The following RSRP1 variants were observed in gnomAD, a reference collection of about 807,000 sequenced individuals.
RSRP1 encodes arginine and serine rich protein 1, also known as arginine/serine-rich protein 1.
A neutral mutation model predicts 33.0 loss-of-function variants in RSRP1; 37 were observed. The ratio of observed to expected loss-of-function variants is 1.12; its 90% CI spans 0.86 to 1.48. The LOEUF is 1.48. Ranked by LOEUF, RSRP1 falls within the 40% of genes most tolerant of loss-of-function variation. The pLI is 0.00. For missense variants in RSRP1, 402 were observed against 385.3 expected, an observed-to-expected ratio of 1.04 and a Z score of -0.36; for synonymous variants, 167 against 158.7, an observed-to-expected ratio of 1.05 and a Z score of -0.40.
rs1355317412 is a variant in RSRP1, at chr1:25,295,867, T to G, written c.-67+42111A>C. On this transcript the variant is annotated intron_variant, in intron 1 of 1. Transcript: ENST00000561867. Reference sequence around the variant, plus strand: ...TATGGGAAATTTTTTTTTTTTTTTTTTTTTTTTTTTTTGAGATGGAGTTTC... The same window carrying G: ...TATGGGAAATTTTTTTTTTTTTTTTGTTTTTTTTTTTTGAGATGGAGTTTC... 9.3e-4 allele frequency among the ~76,000 whole-genome samples: 98 copies of G among 104,826 alleles called. 20 individuals carry two copies. In the East Asian group the frequency reaches 9.5e-3, roughly 10 times the overall value. 68.8% of individuals were successfully genotyped at this position (104,826 alleles called of 152,430 possible).
intron 1 of RSRP1, among the ~76,000 whole-genome samples, chr1:25,275,105 CATGGT>C (rs1640844031): frequency 7.6e-6 from 1 of 132,236 alleles, no homozygotes; most frequent in Admixed American, 7.4e-5. Context: ...GCCTGGCCAA[CATGGT>C]AAAACCCTGT....
chr1:25,263,881 A>T (rs930272343), intron 1 of RSRP1, among the ~76,000 whole-genome samples: 4 of 152,130 alleles, frequency 2.6e-5, no homozygotes, highest in Non-Finnish European at 4.4e-5. Flanking sequence ...GGGTAAATAC[A>T]GCCATTCCAA....
Position 25,291,157 on chromosome 1 carries a change from T to TAGAC in RSRP1, c.-66-44129_-66-44128insGTCT, listed in dbSNP as rs1490320344. ...ATAGGTAGGTGGATAGACAGATAGA[T>TAGAC]AGATAGACAGACAGACAGACAGACA... On this transcript the variant is annotated intron_variant, in intron 1 of 1. Coordinates refer to the RSRP1 transcript ENST00000561867. 3.3e-5 allele frequency among the ~76,000 whole-genome samples: 4 copies of TAGAC among 121,806 alleles called. 1 individual carries two copies. Among genetic ancestry groups the TAGAC allele is most frequent in the African/African-American group, 1.3e-4 (4 of 31,700 alleles). 79.9% of individuals were successfully genotyped at this position (121,806 alleles called of 152,430 possible).
At chr1:25,307,521 C>A in intron 1 of RSRP1, 1 of 518,550 alleles carries the variant, frequency 1.9e-6, no homozygotes, top group East Asian at 2.8e-5. Flanking sequence ...TTATTGACTG[C>A]TTTAAAAGTG....
upstream of RSRP1, among the ~76,000 whole-genome samples, chr1:25,248,858 A>G (rs1410767496): frequency 6.6e-6 from 1 of 152,202 alleles, no homozygotes; most frequent in Non-Finnish European, 1.5e-5. Flanking sequence ...GGACAGAAAA[A>G]TAACACGAGG....
rs182746791 is a variant in RSRP1, at chr1:25,309,005, C to A, written c.-67+28973G>T. Among the ~76,000 whole-genome samples, 13 of 131,844 alleles carry A rather than the reference C, an allele frequency of 9.9e-5. 3 individuals are homozygous for A. The highest frequency in any genetic ancestry group is 1.9e-4 in the East Asian group (1 of 5,130). 86.5% of individuals were successfully genotyped at this position (131,844 alleles called of 152,430 possible). A position where few individuals can be genotyped will look rare whatever the true frequency, so the allele number is the denominator to read the frequency against. Reference sequence around the variant, plus strand: ...TCTTTATGATGACTGATGCTGCATCCGTATGAGGACATCTCTATGTAATGG... The same window carrying A: ...TCTTTATGATGACTGATGCTGCATCAGTATGAGGACATCTCTATGTAATGG... On this transcript the variant is annotated intron_variant, in intron 1 of 1. Coordinates refer to the RSRP1 transcript ENST00000561867.
In RSRP1 at chr1:25,301,496, C is replaced by G. The variant is rs1460321646; in HGVS notation, c.-67+36482G>C. On this transcript the variant is annotated intron_variant, in intron 1 of 1. Coordinates refer to the RSRP1 transcript ENST00000561867. ...CTTTGGAGCAGGAGTGTGATTCTGGCCAACCACCCTCTCTGGCCCCCAGGC... is the reference window on the plus strand; with the variant it reads ...CTTTGGAGCAGGAGTGTGATTCTGGGCAACCACCCTCTCTGGCCCCCAGGC... 5 of 1,375,976 alleles carry G rather than the reference C, an allele frequency of 3.6e-6. 1 individual carries two copies. The highest frequency in any genetic ancestry group is 1.4e-5 in the African/African-American group (1 of 69,660). The allele number at this position is 1,375,976 out of a possible 1,614,324, so 85.2% of individuals were successfully genotyped here. A position where few individuals can be genotyped will look rare whatever the true frequency, so the allele number is the denominator to read the frequency against.
chr1:25,264,513 G>T (rs1360717508), intron 1 of RSRP1, among the ~76,000 whole-genome samples: 1 of 148,844 alleles, frequency 6.7e-6, no homozygotes, highest in Admixed American at 6.8e-5. Flanking sequence ...GGGATGCAGG[G>T]CACCAAGTCC....
chr1:25,311,067 A>C (rs1286547249), intron 1 of RSRP1, among the ~76,000 whole-genome samples: 1 of 132,352 alleles, frequency 7.6e-6, no homozygotes, highest in African/African-American at 2.6e-5. Context: ...AACTAGGGAA[A>C]GTCTGGAACT....
rs1391538899 is a variant in RSRP1, at chr1:25,287,982, CA to C, written c.-66-40954del. On this transcript the variant is annotated intron_variant, in intron 1 of 1. Transcript: ENST00000561867. Reference sequence around the variant, plus strand: ...AAGTGATCCACCTGCCTAGGCCTCCCAAAGTACTGGGATTACAGGCGTGAGC... The same window carrying C: ...AAGTGATCCACCTGCCTAGGCCTCCCAAGTACTGGGATTACAGGCGTGAGC... Among the ~76,000 whole-genome samples the C allele has an allele frequency of 1.5e-5, 2 of 132,600 alleles. 1 individual carries two copies. The highest frequency in any genetic ancestry group is 3.6e-5 in the Non-Finnish European group (2 of 55,940). 87.0% of individuals were successfully genotyped at this position (132,600 alleles called of 152,430 possible).
intron 1 of RSRP1, chr1:25,303,606 TC>T: frequency 1.1e-6 from 1 of 905,274 alleles, no homozygotes. Flanking sequence ...GAGGGATCCA[TC>T]CTGGCTCGGT....
intron 1 of RSRP1, among the ~76,000 whole-genome samples, chr1:25,276,521 C>A (rs1414208604): frequency 5.0e-5 from 3 of 59,758 alleles, no homozygotes; most frequent in African/African-American, 2.1e-4. Flanking sequence ...AGGGAGACCC[C>A]CCCCCATCTC....
At position 25,314,398 on chromosome 1, in the gene RSRP1, C is replaced by G. The variant is rs188527832; in HGVS notation, c.-67+23580G>C. Among the ~76,000 whole-genome samples the G allele has an allele frequency of 3.8e-4, 51 of 132,604 alleles. 2 individuals are homozygous for G. The East Asian group carries it at 7.6e-3, about 20-fold the overall frequency. 87.0% of individuals were successfully genotyped at this position (132,604 alleles called of 152,430 possible). A position where few individuals can be genotyped will look rare whatever the true frequency, so the allele number is the denominator to read the frequency against. ...GAAATGTCTATTCAAGTTAGTTTGCCCATTTTCTATTGTGGTGTTCTGTCT... is the reference window on the plus strand; with the variant it reads ...GAAATGTCTATTCAAGTTAGTTTGCGCATTTTCTATTGTGGTGTTCTGTCT... On this transcript the variant is annotated intron_variant, in intron 1 of 1. Transcript: ENST00000561867.
In RSRP1 at chr1:25,246,441, C is replaced by A. The variant is rs1324105734; in HGVS notation, c.520+3G>T. On this transcript the variant is annotated splice_donor_region_variant and intron_variant, in intron 2 of 4. Coordinates refer to ENST00000243189, the MANE Select transcript of RSRP1 (RefSeq NM_020317.5). The stretch of plus-strand genomic sequence containing the variant: ...CAAATGGAAAGGTAAATGACCCACC[C>A]ACCTTTTTCACTTAAGCGAAAGGGG... The A allele has an allele frequency of 6.2e-7, 1 of 1,611,922 alleles. No homozygotes were observed. Among genetic ancestry groups the A allele is most frequent in the African/African-American group, 1.3e-5 (1 of 75,030 alleles).
chr1:25,275,234 G>A (rs575079229), intron 1 of RSRP1, among the ~76,000 whole-genome samples: 2 of 132,370 alleles, frequency 1.5e-5, no homozygotes, highest in East Asian at 3.9e-4. Flanking sequence ...AGGTTGCTGA[G>A]CTGAGAACAT....
chr1:25,244,899 G>A, intron 3 of RSRP1: 2 of 1,308,514 alleles, frequency 1.5e-6, no homozygotes, highest in South Asian at 1.6e-5. Context: ...GCCCAGGCTA[G>A]TCTTGAACTC....
rs1485509739 is a variant in RSRP1, at chr1:25,329,083, C to A, written c.-67+8895G>T. ...AAATGGAGTTGAATCCTTTCTCTGCCACTCTTTGAGGAGAATCTCACCATT... is the reference window on the plus strand; with the variant it reads ...AAATGGAGTTGAATCCTTTCTCTGCAACTCTTTGAGGAGAATCTCACCATT... On this transcript the variant is annotated intron_variant, in intron 1 of 1. Transcript: ENST00000561867. The A allele has an allele frequency of 6.1e-6, 8 of 1,306,948 alleles. 2 individuals carry two copies. The highest frequency in any genetic ancestry group is 8.7e-6 in the Non-Finnish European group (8 of 921,744). 81.0% of individuals were successfully genotyped at this position (1,306,948 alleles called of 1,614,324 possible).
chr1:25,271,703 G>T lies in RSRP1; in HGVS notation c.-66-24674C>A, dbSNP rs1295300751. Among the ~76,000 whole-genome samples, 5 of 132,124 alleles carry T rather than the reference G, an allele frequency of 3.8e-5. 2 individuals are homozygous for T. The highest frequency in any genetic ancestry group is 9.0e-5 in the Non-Finnish European group (5 of 55,744). 86.7% of individuals were successfully genotyped at this position (132,124 alleles called of 152,430 possible). On this transcript the variant is annotated intron_variant, in intron 1 of 1. Coordinates refer to the RSRP1 transcript ENST00000561867. The stretch of plus-strand genomic sequence containing the variant: ...AAGTCCCAAGCCCCCTAAAGCTCAT[G>T]CCAGGGGACTGGACTGTCCAGTACT...
At chr1:25,252,147 T>G (rs1490917140), upstream of RSRP1, among the ~76,000 whole-genome samples, 1 of 151,802 alleles carries the variant, frequency 6.6e-6, no homozygotes, top group Non-Finnish European at 1.5e-5. Flanking sequence ...CACTGCAACC[T>G]CCCTCTCCCA....
Sources: gnomAD v4.1 joint callset for allele counts (sites outside exome capture counted in the v4.1 genomes callset) on GRCh38, gnomAD v4.1.1 for gene constraint, MANE v1.5 for transcripts, NCBI Gene and HGNC (gene_info 2026-07-23, HGNC 2026-07-21) for gene names.